The following CSMD1 variants were observed in gnomAD, a reference collection of about 807,000 sequenced individuals.
CSMD1 encodes the protein CUB and Sushi multiple domains 1.
In CSMD1, 213 loss-of-function variants were observed where a neutral mutation model predicts 417.5. The ratio of observed to expected loss-of-function variants is 0.51; its 90% CI spans 0.46 to 0.57. The LOEUF (loss-of-function observed/expected upper bound fraction) is 0.57. Among genes scored for constraint, CSMD1 ranks in the 20% least tolerant of loss-of-function variants. The pLI, the probability that CSMD1 is intolerant of heterozygous loss-of-function variation, is 0.00. For synonymous variants in CSMD1, 2,862 were observed against 1,736.8 expected (o/e 1.65, Z -16.11); for missense variants, 6,923 against 4,529.7 (o/e 1.53, Z -15.17).
chr8:3,359,529 T>C (rs1162130886), intron 20 of CSMD1, among the ~76,000 whole-genome samples, 189 bp from the exon 21 acceptor site: 3 of 149,710 alleles, frequency 2.0e-5, no homozygotes, highest in Non-Finnish European at 3.0e-5. Flanking sequence ...ACAAATGACA[T>C]GGGATTTAGT....
intron 2 of CSMD1, among the ~76,000 whole-genome samples, chr8:4,425,783 G>A (rs1337022345): frequency 6.6e-6 from 1 of 152,114 alleles, no homozygotes; most frequent in African/African-American, 2.4e-5. Context: ...TCTTGCAGTA[G>A]CAAGTCTTCC....
chr8:4,245,984 G>C (rs997401881), intron 3 of CSMD1, among the ~76,000 whole-genome samples: 2 of 152,138 alleles, frequency 1.3e-5, no homozygotes, highest in Admixed American at 6.5e-5. Flanking sequence ...GACAGGGATG[G>C]TCTCATGAAC....
chr8:4,357,210 G>T (rs150167910), intron 3 of CSMD1, among the ~76,000 whole-genome samples: 154 of 152,238 alleles, frequency 1.0e-3, no homozygotes, highest in African/African-American at 3.5e-3. Flanking sequence ...GTAGCTAAGG[G>T]TTTTCAGTTG....
At chr8:4,507,666 C>G (rs1014598185) in intron 2 of CSMD1, among the ~76,000 whole-genome samples, 2 of 152,030 alleles carry the variant, frequency 1.3e-5, no homozygotes, top group Non-Finnish European at 2.9e-5. Context: ...GATATCTGAG[C>G]AAGGCAATGG....
At chr8:3,795,093 A>ATATATCATGTATAGCTATAGATACG (rs1563086957) in intron 5 of CSMD1, among the ~76,000 whole-genome samples, 1 of 74,490 alleles carries the variant, frequency 1.3e-5, no homozygotes, top group African/African-American at 4.3e-5. Flanking sequence ...CTATAGATAT[A>ATATATCATGTATAGCTATAGATACG]TATCTATCAT....
At chr8:3,594,829 T>G (rs959085274) in intron 8 of CSMD1, among the ~76,000 whole-genome samples, 4 of 152,180 alleles carry the variant, frequency 2.6e-5, no homozygotes, top group Non-Finnish European at 5.9e-5. Context: ...TCATTCACCT[T>G]GAAATCTCTC....
chr8:3,141,658 C>T (rs1482761907), intron 41 of CSMD1, among the ~76,000 whole-genome samples: 2 of 152,080 alleles, frequency 1.3e-5, no homozygotes, highest in Non-Finnish European at 2.9e-5. Flanking sequence ...CCACCCAAAC[C>T]GGTAATCTGG....
intron 2 of CSMD1, among the ~76,000 whole-genome samples, chr8:4,459,316 T>C (rs1359933676): frequency 2.6e-5 from 4 of 152,204 alleles, no homozygotes; most frequent in African/African-American, 9.6e-5. Context: ...GAAGGTTCTA[T>C]GCCACCAGGA....
rs144519899 is a variant in CSMD1 at position 3,309,443 on chromosome 8, C to A, written c.3632-940G>T. On this transcript the variant is annotated intron_variant, in intron 23 of 69. Transcript: ENST00000635120. Reference sequence around the variant, plus strand: ...CTCCAGAAATGAATCATTATAATGACCTCATCAAAATAAGCTCTTAAACTC... The same window carrying A: ...CTCCAGAAATGAATCATTATAATGAACTCATCAAAATAAGCTCTTAAACTC... 1.7e-3 allele frequency among the ~76,000 whole-genome samples: 240 copies of A among 141,922 alleles called. 1 individual carries two copies. The highest frequency in any genetic ancestry group is 5.6e-3 in the African/African-American group (227 of 40,792). The allele number at this position is 141,922 out of a possible 152,430, so 93.1% of individuals were successfully genotyped here.
intron 26 of CSMD1, among the ~76,000 whole-genome samples, chr8:3,270,065 T>C (rs1325372892): frequency 6.8e-6 from 1 of 146,156 alleles, no homozygotes; most frequent in Non-Finnish European, 1.5e-5. Context: ...TTTTTTTTTT[T>C]TTGAGATGGA....
At chr8:3,476,241 T>C (rs1008163532) in intron 11 of CSMD1, among the ~76,000 whole-genome samples, 1 of 152,198 alleles carries the variant, frequency 6.6e-6, no homozygotes, top group Non-Finnish European at 1.5e-5. Context: ...CTCTGAAATC[T>C]TTCATCAACA....
intron 2 of CSMD1, among the ~76,000 whole-genome samples, chr8:4,421,847 A>C (rs75893906): frequency 0.12 from 17,974 of 151,936 alleles, 1,158 homozygotes; most frequent in Non-Finnish European, 0.13. Context: ...AATAAAATTG[A>C]AAGAAAAAAG....
At chr8:4,116,204 G>C (rs1175680217) in intron 3 of CSMD1, among the ~76,000 whole-genome samples, 1 of 151,934 alleles carries the variant, frequency 6.6e-6, no homozygotes, top group African/African-American at 2.4e-5. Context: ...ATGTTGGCCA[G>C]GCTGGTCCTG....
chr8:4,033,988 T>C (rs1585173801), intron 3 of CSMD1, among the ~76,000 whole-genome samples: 2 of 152,226 alleles, frequency 1.3e-5, no homozygotes, highest in South Asian at 4.1e-4. Context: ...TGAAACTTAC[T>C]AGTAGAGAAA....
chr8:3,926,412 A>C (rs1042161384), intron 5 of CSMD1, among the ~76,000 whole-genome samples: 2 of 149,520 alleles, frequency 1.3e-5, no homozygotes, highest in Admixed American at 6.7e-5. Context: ...TTTTGTTGAG[A>C]TATTACCAGT....
chr8:3,801,199 C>G (rs796536341), intron 5 of CSMD1, among the ~76,000 whole-genome samples: 16 of 151,114 alleles, frequency 1.1e-4, no homozygotes, highest in African/African-American at 3.2e-4. Flanking sequence ...AAAATATTTG[C>G]AAATACTACA....
intron 1 of CSMD1, among the ~76,000 whole-genome samples, chr8:4,796,058 G>A (rs775334908): frequency 3.9e-4 from 60 of 152,134 alleles, no homozygotes; most frequent in Non-Finnish European, 7.1e-4. Flanking sequence ...CTCACCAGGA[G>A]AGCCACTGGC....
chr8:4,697,246 C>T (rs1298641243), intron 1 of CSMD1, among the ~76,000 whole-genome samples: 3 of 152,080 alleles, frequency 2.0e-5, no homozygotes, highest in African/African-American at 7.2e-5. Flanking sequence ...CAGAACCTTG[C>T]TGTAAAGGCC....
At chr8:3,806,766 A>C (rs1253205665) in intron 5 of CSMD1, among the ~76,000 whole-genome samples, 1 of 152,200 alleles carries the variant, frequency 6.6e-6, no homozygotes, top group East Asian at 1.9e-4. Flanking sequence ...AGTAATGCAA[A>C]ATGTTAGTTG....
Sources: gnomAD v4.1 joint callset for allele counts (sites outside exome capture counted in the v4.1 genomes callset) on GRCh38, gnomAD v4.1.1 for gene constraint, MANE v1.5 for transcripts, NCBI Gene and HGNC (gene_info 2026-07-23, HGNC 2026-07-21) for gene names.